The following C2orf49 variants were observed in gnomAD, a reference collection of about 807,000 sequenced individuals.
C2orf49 encodes tRNA splicing ligase complex subunit 2, also known as tRNA-splicing ligase complex subunit ASW.
Under a neutral mutation model 20.6 loss-of-function variants are expected in C2orf49, and 11 were observed. The observed-to-expected ratio is 0.53, with a 90% CI of 0.34 to 0.88. The LOEUF is 0.88. Ranked by LOEUF, C2orf49 falls within the 40% of genes least tolerant of loss-of-function variation. The pLI is 0.02. For synonymous variants in C2orf49, 134 were observed against 108.5 expected (o/e 1.24, Z -1.46); for missense variants, 289 against 274.2 (o/e 1.05, Z -0.38).
chr2:105,356,309 T>G, the C2orf49 span, among the ~76,000 whole-genome samples: 2 of 152,182 alleles, frequency 1.3e-5, no homozygotes, highest in African/African-American at 4.8e-5. Context: ...GAGAATCACT[T>G]GAACCTAGGA....
chr2:105,357,937 G>A, the C2orf49 span: 2 of 152,202 alleles, frequency 1.3e-5, no homozygotes, highest in Admixed American at 6.5e-5. Flanking sequence ...ATGGATCTGT[G>A]TATGCCTTAG....
the C2orf49 span, among the ~76,000 whole-genome samples, chr2:105,371,419 C>G: frequency 6.6e-6 from 1 of 152,046 alleles, no homozygotes; most frequent in African/African-American, 2.4e-5. Context: ...AGCCTGCCGC[C>G]CTACGGAATT....
chr2:105,367,119 C>T, the C2orf49 span, among the ~76,000 whole-genome samples: 1 of 152,210 alleles, frequency 6.6e-6, no homozygotes, highest in African/African-American at 2.4e-5. Flanking sequence ...TCCATGGAGG[C>T]AGACTTTTCT....
At chr2:105,339,887 G>T in intron 2 of C2orf49, 138 bp downstream of exon 2, 1 of 659,790 alleles carries the variant, frequency 1.5e-6, no homozygotes, top group South Asian at 2.9e-5. Context: ...GGCACTGTGC[G>T]TATAGCAGTG....
At chr2:105,356,940 T>C in the C2orf49 span, among the ~76,000 whole-genome samples, 1 of 152,128 alleles carries the variant, frequency 6.6e-6, no homozygotes, top group African/African-American at 2.4e-5. Flanking sequence ...TTAACTCTTT[T>C]TTTCTTTTTC....
the C2orf49 span, among the ~76,000 whole-genome samples, chr2:105,370,007 T>C: frequency 6.6e-6 from 1 of 152,140 alleles, no homozygotes; most frequent in Non-Finnish European, 1.5e-5. Flanking sequence ...CCTAACTGAA[T>C]CGCACACTCT....
At chr2:105,385,436 G>A in the C2orf49 span, among the ~76,000 whole-genome samples, 2 of 152,212 alleles carry the variant, frequency 1.3e-5, no homozygotes, top group Admixed American at 6.5e-5. Flanking sequence ...GACCAGGGAG[G>A]AGAGCAGCAA....
the C2orf49 span, among the ~76,000 whole-genome samples, chr2:105,385,105 G>A: frequency 1.1e-4 from 17 of 152,262 alleles, no homozygotes; most frequent in African/African-American, 2.4e-4. Flanking sequence ...GTTGAGTTTC[G>A]TTTCTTTTAC....
At chr2:105,342,800 T>G (rs1377258211) in intron 2 of C2orf49, 48 bp from the exon 3 acceptor site, 1 of 1,549,736 alleles carries the variant, frequency 6.5e-7, no homozygotes, top group African/African-American at 1.4e-5. Context: ...GTGAACTGGT[T>G]TGCCGTTCCA....
chr2:105,354,094 T>C (rs2104463586), downstream of C2orf49, among the ~76,000 whole-genome samples: 1 of 152,362 alleles, frequency 6.6e-6, no homozygotes, highest in East Asian at 1.9e-4. Context: ...TGCTAGTTTC[T>C]AAAGTTCTGC....
At position 105,347,417 on chromosome 2, in the gene C2orf49, CTTATTT is replaced by C. The variant is rs1305387221; in HGVS notation, c.*2050_*2055del. On this transcript the variant is annotated 3_prime_UTR_variant, in exon 4 of 4. Transcript: ENST00000258457. Reference sequence around the variant, plus strand: ...TTTGACGATTTTAAGTCAGTGGGAACTTATTTTTAGTTACTCAATAAAATTAATATT... The same window carrying C: ...TTTGACGATTTTAAGTCAGTGGGAACTTAGTTACTCAATAAAATTAATATT... 6.6e-6 allele frequency: 1 copy of C among 152,110 alleles called. No homozygotes were observed. Among genetic ancestry groups the C allele is most frequent in the Non-Finnish European group, 1.5e-5 (1 of 68,030 alleles). The allele number at this position is 152,110 out of a possible 1,614,324, so 9.4% of individuals were successfully genotyped here.
rs748981596 is a variant in C2orf49, at chr2:105,339,617, AC to A, written c.135del (p.Asn45LysfsTer29). On this transcript the variant is annotated frameshift_variant, in exon 2 of 4. Coordinates refer to ENST00000258457, the MANE Select transcript of C2orf49 (RefSeq NM_024093.3). LOFTEE classifies it high-confidence loss of function. ...GCTGTTGAAACTGATGTAAGAGTAA[AC>A]AAAGACAGTCTTACTGACCTTTATG... ...NIAVETDVRVNKDSLTDLYVQ... is the reference protein window; with the variant it reads ...NIAVETDVRVXKDSLTDLYVQ... 6.2e-7 allele frequency: 1 copy of A among 1,601,496 alleles called. No individual in the cohort carries two copies. Among genetic ancestry groups the A allele is most frequent in the Non-Finnish European group, 8.5e-7 (1 of 1,177,334 alleles).
intron 1 of C2orf49, 22 bp downstream of exon 1, chr2:105,337,708 G>C: frequency 2.7e-6 from 1 of 374,660 alleles, no homozygotes; most frequent in Non-Finnish European, 5.4e-6. Context: ...CGGATCGGAG[G>C]GTGGGCGGGT....
At chr2:105,382,261 T>C in the C2orf49 span, among the ~76,000 whole-genome samples, 4 of 151,862 alleles carry the variant, frequency 2.6e-5, no homozygotes, top group African/African-American at 9.7e-5. Flanking sequence ...ATGAGAAGAG[T>C]AGGGGCCTCT....
At chr2:105,353,353 T>C (rs896460169), downstream of C2orf49, among the ~76,000 whole-genome samples, 3 of 152,188 alleles carry the variant, frequency 2.0e-5, no homozygotes, top group Non-Finnish European at 4.4e-5. Context: ...TAAATGCTAA[T>C]AGATGTCAGG....
At chr2:105,367,218 G>A in the C2orf49 span, among the ~76,000 whole-genome samples, 1 of 152,076 alleles carries the variant, frequency 6.6e-6, no homozygotes, top group African/African-American at 2.4e-5. Context: ...CAAGTTTGCA[G>A]TTGTTTTCTT....
the C2orf49 span, chr2:105,360,502 GC>G: frequency 6.6e-6 from 1 of 152,188 alleles, no homozygotes; most frequent in African/African-American, 2.4e-5. Context: ...GACTACAGGC[GC>G]TCACCACCAC....
chr2:105,343,234 G>A lies in C2orf49; in HGVS notation c.642+11G>A. 1.3e-6 allele frequency: 2 copies of A among 1,556,136 alleles called. No individual in the cohort carries two copies. ...GAGGCAGAGGCCATGGTAAGTATGG[G>A]GGTGGTTTCCATGCTGGTAAGTGGT... is the stretch of plus-strand genomic sequence containing the variant. On this transcript the variant is annotated intron_variant, in intron 3 of 3. Coordinates refer to ENST00000258457, the MANE Select transcript of C2orf49 (RefSeq NM_024093.3).
At chr2:105,364,495 C>G in the C2orf49 span, among the ~76,000 whole-genome samples, 142 of 152,336 alleles carry the variant, frequency 9.3e-4, no homozygotes, top group African/African-American at 3.2e-3. Flanking sequence ...TGAGGTGAAG[C>G]TGCAAAGCCA....
Sources: gnomAD v4.1 joint callset for allele counts (sites outside exome capture counted in the v4.1 genomes callset) on GRCh38, gnomAD v4.1.1 for gene constraint, MANE v1.5 for transcripts, NCBI Gene and HGNC (gene_info 2026-07-23, HGNC 2026-07-21) for gene names.